SERPINE2: variants seen among roughly 807,000 people sequenced by gnomAD.
The protein encoded by SERPINE2 is serpin family E member 2, also known as glia-derived nexin.
Under a neutral mutation model 36.3 loss-of-function variants are expected in SERPINE2, and 14 were observed. The observed-to-expected ratio is 0.39, with a 90% CI of 0.25 to 0.60. The LOEUF (loss-of-function observed/expected upper bound fraction) is 0.60, where lower values mean the gene tolerates loss of function less well. SERPINE2 is among the 20% of genes least tolerant of loss of function. The pLI is 0.57. For synonymous variants in SERPINE2, 192 were observed against 191.8 expected (o/e 1.00, Z -0.01); for missense variants, 418 against 499.6 (o/e 0.84, Z 1.56).
intron 4 of SERPINE2, among the ~76,000 whole-genome samples, chr2:223,987,802 G>A (rs534010642): frequency 7.9e-5 from 12 of 152,272 alleles, no homozygotes; most frequent in Admixed American, 1.3e-4. Context: ...TAGGGAAGAC[G>A]TAACTAGGCT....
At position 224,001,816 on chromosome 2, in the gene SERPINE2, C is replaced by G; in HGVS notation, c.85G>C (p.Glu29Gln). Residue 29 changes from glutamate (E) to glutamine (Q), a missense_variant, in exon 2 of 9, where the codon GAA (glutamate) becomes CAA (glutamine). Physicochemically the swap from Glu to Gln is conservative, Grantham distance 29 (BLOSUM62 2). Coordinates refer to ENST00000409304, the MANE Select transcript of SERPINE2 (RefSeq NM_001136528.2). ...CSHFNPLSLE[E>Q]LGSNTGIQVF... ...TGGATCCCCGTGTTGGAGCCTAGTT[C>G]CTCGAGAGACAGAGGATTGAAGTGG... The G allele has an allele frequency of 6.2e-7, 1 of 1,614,044 alleles. No homozygotes were observed. The highest frequency in any genetic ancestry group is 8.5e-7 in the Non-Finnish European group (1 of 1,180,028).
chr2:224,038,917 G>A, intron 1 of SERPINE2, 182 bp downstream of exon 1: 1 of 176,966 alleles, frequency 5.7e-6, no homozygotes, highest in Non-Finnish European at 1.2e-5. Context: ...GGCGGCCCGC[G>A]GGAGGCTGAG....
At chr2:224,006,171 C>G (rs1691415988) in intron 1 of SERPINE2, among the ~76,000 whole-genome samples, 1 of 152,120 alleles carries the variant, frequency 6.6e-6, no homozygotes, top group African/African-American at 2.4e-5. Flanking sequence ...CGTCAACCAT[C>G]TCTTCTACAC....
chr2:224,038,268 T>G (rs1390328101), intron 1 of SERPINE2, among the ~76,000 whole-genome samples: 1 of 152,038 alleles, frequency 6.6e-6, no homozygotes, highest in Non-Finnish European at 1.5e-5. Context: ...CCCTGCAAAG[T>G]AGCCAAAGCA....
At chr2:224,023,004 G>C (rs973359266) in intron 1 of SERPINE2, among the ~76,000 whole-genome samples, 1 of 152,176 alleles carries the variant, frequency 6.6e-6, no homozygotes, top group Non-Finnish European at 1.5e-5. Flanking sequence ...CTTCCACCAT[G>C]ATTGTAAGTT....
chr2:224,031,377 G>A lies in SERPINE2; in HGVS notation c.-23+7722C>T, dbSNP rs1350696243. 6 of 985,380 alleles carry A rather than the reference G, an allele frequency of 6.1e-6. No individual in the cohort carries two copies. The African/African-American group carries it at 8.7e-5, about 14-fold the overall frequency. 61.0% of individuals were successfully genotyped at this position (985,380 alleles called of 1,614,324 possible). A position where few individuals can be genotyped will look rare whatever the true frequency, so the allele number is the denominator to read the frequency against. Reference sequence around the variant, plus strand: ...GAGAGGCAGGCACGAGGCTCTAGGAGACCACATAGAGATTCCGTTGGGGGG... The same window carrying A: ...GAGAGGCAGGCACGAGGCTCTAGGAAACCACATAGAGATTCCGTTGGGGGG... On this transcript the variant is annotated intron_variant, in intron 1 of 8. Coordinates refer to ENST00000409304, the MANE Select transcript of SERPINE2 (RefSeq NM_001136528.2).
At chr2:224,030,260 A>G (rs1692318235) in intron 1 of SERPINE2, 1 of 982,008 alleles carries the variant, frequency 1.0e-6, no homozygotes, top group Non-Finnish European at 1.2e-6. Context: ...GCCCACTGAG[A>G]GTGCAGCAGG....
At chr2:224,001,246 CT>C (rs1185658840) in intron 2 of SERPINE2, among the ~76,000 whole-genome samples, 1 of 152,208 alleles carries the variant, frequency 6.6e-6, no homozygotes. Context: ...TACGAGGCCC[CT>C]GGGCCCTCCA....
intron 3 of SERPINE2, 138 bp downstream of exon 3, chr2:223,997,977 A>G: frequency 2.9e-6 from 2 of 680,858 alleles, no homozygotes; most frequent in South Asian, 1.8e-5. Flanking sequence ...GGGAGACTGA[A>G]TAGAGCTTCC....
At chr2:224,001,571 C>A (rs1026317509) in intron 2 of SERPINE2, 71 bp downstream of exon 2, 1 of 1,529,246 alleles carries the variant, frequency 6.5e-7, no homozygotes, top group Non-Finnish European at 8.8e-7. Flanking sequence ...CAGCAAAAAC[C>A]AAGCCATAAA....
chr2:224,006,347 A>G (rs1407440670), intron 1 of SERPINE2, among the ~76,000 whole-genome samples: 1 of 152,196 alleles, frequency 6.6e-6, no homozygotes, highest in Admixed American at 6.5e-5. Context: ...CTCTTTTTCA[A>G]GAATCATAGT....
rs913993960 is a variant in SERPINE2, at chr2:224,036,034, T to C, written c.-23+3065A>G. Among the ~76,000 whole-genome samples, 4 of 152,070 alleles carry C rather than the reference T, an allele frequency of 2.6e-5. No individual in the cohort carries two copies. The East Asian group carries it at 7.8e-4, about 29-fold the overall frequency. ...ATCTTCGCTAACAATGAAGCGGATA[T>C]GGGGTGGGTGGTGAAAACTAAAATC... On this transcript the variant is annotated intron_variant, in intron 1 of 8. Transcript: ENST00000409304.
chr2:223,995,522 A>G (rs1370697592), intron 3 of SERPINE2, among the ~76,000 whole-genome samples: 1 of 152,198 alleles, frequency 6.6e-6, no homozygotes, highest in Non-Finnish European at 1.5e-5. Context: ...ACCCCACCGG[A>G]TCTCTGCATT....
intron 1 of SERPINE2, among the ~76,000 whole-genome samples, chr2:224,036,753 G>A (rs1377504704): frequency 6.6e-6 from 1 of 152,102 alleles, no homozygotes; most frequent in Non-Finnish European, 1.5e-5. Context: ...AGTTTAAGAA[G>A]CCTGGAGAGA....
intron 7 of SERPINE2, 161 bp downstream of exon 7, chr2:223,980,150 T>C (rs1394067263): frequency 1.8e-6 from 1 of 569,114 alleles, no homozygotes; most frequent in Non-Finnish European, 3.2e-6. Context: ...TGGTTACAGG[T>C]CTTCAGTCTG....
chr2:223,989,520 G>C (rs1690567352), intron 4 of SERPINE2, among the ~76,000 whole-genome samples: 1 of 152,130 alleles, frequency 6.6e-6, no homozygotes, highest in African/African-American at 2.4e-5. Flanking sequence ...AGCCACTTGG[G>C]GACACCACAA....
At chr2:223,993,728 T>A (rs1320926084) in intron 3 of SERPINE2, among the ~76,000 whole-genome samples, 1 of 152,094 alleles carries the variant, frequency 6.6e-6, no homozygotes, top group African/African-American at 2.4e-5. Context: ...TAAACAAGTG[T>A]TTACATAAAT....
chr2:224,007,609 C>G (rs958053323), intron 1 of SERPINE2, among the ~76,000 whole-genome samples: 3 of 152,146 alleles, frequency 2.0e-5, no homozygotes, highest in African/African-American at 7.2e-5. Flanking sequence ...CAAAATAACT[C>G]CTTAACATGT....
intron 1 of SERPINE2, among the ~76,000 whole-genome samples, chr2:224,023,579 A>G (rs960302621): frequency 1.3e-5 from 2 of 152,222 alleles, no homozygotes; most frequent in Admixed American, 6.5e-5. Flanking sequence ...TTAAGTCTAC[A>G]GGTAGGTTCA....
Sources: gnomAD v4.1 joint callset for allele counts (sites outside exome capture counted in the v4.1 genomes callset) on GRCh38, gnomAD v4.1.1 for gene constraint, MANE v1.5 for transcripts, NCBI Gene and HGNC (gene_info 2026-07-23, HGNC 2026-07-21) for gene names.